The following SEM1 variants were observed in gnomAD, a reference collection of about 807,000 sequenced individuals.
SEM1 encodes the protein SEM1 26S proteasome subunit.
In SEM1, 3 loss-of-function variants were observed where a neutral mutation model predicts 12.7. That is an observed-to-expected ratio of 0.24 (90% confidence interval 0.11 to 0.61). The LOEUF is 0.61. SEM1 is among the 20% of genes least tolerant of loss of function. SEM1 has a pLI of 0.88. For missense variants in SEM1, 59 were observed against 81.3 expected (o/e 0.73, Z 1.06); for synonymous variants, 30 against 27.8 (o/e 1.08, Z -0.25).
chr7:96,631,673 G>C (rs1056112163), intron 2 of SEM1, among the ~76,000 whole-genome samples: 2 of 152,094 alleles, frequency 1.3e-5, no homozygotes, highest in Non-Finnish European at 1.5e-5. Flanking sequence ...AACACCAAAA[G>C]CAATGGCAAC....
chr7:96,583,104 C>T (rs1039364555), intron 2 of SEM1, among the ~76,000 whole-genome samples: 2 of 151,700 alleles, frequency 1.3e-5, no homozygotes, highest in Admixed American at 1.3e-4. Context: ...CTCTTGTGGG[C>T]ATTTAGTGCT....
chr7:96,528,835 A>G (rs549686111), intron 2 of SEM1, among the ~76,000 whole-genome samples: 23 of 152,112 alleles, frequency 1.5e-4, no homozygotes, highest in Non-Finnish European at 3.2e-4. Context: ...TTCTCATCCT[A>G]TACCCACCAG....
intron 2 of SEM1, among the ~76,000 whole-genome samples, chr7:96,528,870 T>G (rs906516458): frequency 1.2e-4 from 18 of 152,154 alleles, no homozygotes; most frequent in African/African-American, 3.6e-4. Context: ...CGTGGCTTTC[T>G]GCACCAAACA....
chr7:96,685,955 G>T (rs768554761), downstream of SEM1, among the ~76,000 whole-genome samples: 1 of 151,962 alleles, frequency 6.6e-6, no homozygotes, highest in African/African-American at 2.4e-5. Context: ...GTCAAACCTT[G>T]AAGTAACATC....
downstream of SEM1, among the ~76,000 whole-genome samples, chr7:96,617,970 A>G (rs1463251287): frequency 2.0e-5 from 3 of 151,958 alleles, no homozygotes. Context: ...TTCATCAGGG[A>G]TATTGGTTTC....
At chr7:96,496,311 C>T in exon 1 of SEM1, 1 of 1,509,686 alleles carries the variant, frequency 6.6e-7, no homozygotes. Flanking sequence ...TCCTTCAGAG[C>T]TGCATAGCAT....
rs60833325 is a variant in SEM1, at chr7:96,683,546, A to G, written c.171-9687T>C. 2.4e-3 allele frequency among the ~76,000 whole-genome samples: 370 copies of G among 152,342 alleles called. 2 individuals carry two copies. The highest frequency in any genetic ancestry group is 8.5e-3 in the African/African-American group (355 of 41,578). On this transcript the variant is annotated intron_variant, in intron 2 of 2. Transcript: ENST00000413065. ...ATCCCATTACTGGGTATATACCCAAAGGATTATAAATCATTCTATAAAGCC... is the reference window on the plus strand; with the variant it reads ...ATCCCATTACTGGGTATATACCCAAGGGATTATAAATCATTCTATAAAGCC...
At chr7:96,645,215 G>A (rs10215002) in intron 2 of SEM1, among the ~76,000 whole-genome samples, 2,187 of 152,158 alleles carry the variant, frequency 0.014, 54 homozygotes, top group African/African-American at 0.051. Context: ...GCATTTGTTC[G>A]TTCGTAAACT....
intron 1 of SEM1, chr7:96,708,336 T>C (rs1790535036): frequency 6.6e-6 from 1 of 152,236 alleles, no homozygotes; most frequent in South Asian, 2.1e-4. Context: ...TACCAGTTTC[T>C]GTAGCATGTA....
At chr7:96,563,560 C>T (rs1805757953) in intron 2 of SEM1, among the ~76,000 whole-genome samples, 1 of 151,890 alleles carries the variant, frequency 6.6e-6, no homozygotes, top group African/African-American at 2.4e-5. Flanking sequence ...TTATCAGGGT[C>T]GATGTTTGTT....
At chr7:96,615,454 C>T (rs911134183) in intron 2 of SEM1, among the ~76,000 whole-genome samples, 15 of 151,934 alleles carry the variant, frequency 9.9e-5, no homozygotes, top group African/African-American at 3.6e-4. Context: ...AAGGTTTCGC[C>T]AGGTTGGCCA....
At chr7:96,537,526 A>T (rs1285154554) in intron 2 of SEM1, among the ~76,000 whole-genome samples, 2 of 151,514 alleles carry the variant, frequency 1.3e-5, no homozygotes, top group East Asian at 3.9e-4. Context: ...CTGGACATGG[A>T]ATTCTAGATT....
At chr7:96,644,955 C>T (rs1405995383) in intron 2 of SEM1, among the ~76,000 whole-genome samples, 1 of 152,040 alleles carries the variant, frequency 6.6e-6, no homozygotes, top group African/African-American at 2.4e-5. Flanking sequence ...TTTTTATATA[C>T]TATTTATCTT....
chr7:96,527,038 T>G (rs1476264521), intron 2 of SEM1, among the ~76,000 whole-genome samples: 1 of 152,048 alleles, frequency 6.6e-6, no homozygotes, highest in African/African-American at 2.4e-5. Context: ...CAAAACTCTG[T>G]GAACATAAAG....
chr7:96,641,736 A>C (rs996392237), intron 2 of SEM1, among the ~76,000 whole-genome samples: 1 of 152,034 alleles, frequency 6.6e-6, no homozygotes, highest in South Asian at 2.1e-4. Flanking sequence ...TATTGTCTTT[A>C]ACGTTTAAGT....
intron 2 of SEM1, among the ~76,000 whole-genome samples, chr7:96,536,797 T>G (rs980069355): frequency 1.4e-5 from 2 of 145,926 alleles, no homozygotes; most frequent in Non-Finnish European, 3.0e-5. Context: ...TTTTAACCTA[T>G]TTTTTACTTT....
At chr7:96,594,981 C>A (rs1806949649) in intron 2 of SEM1, among the ~76,000 whole-genome samples, 1 of 152,014 alleles carries the variant, frequency 6.6e-6, no homozygotes, top group African/African-American at 2.4e-5. Context: ...TATTTCAAGT[C>A]AAAGTGTACT....
intron 2 of SEM1, among the ~76,000 whole-genome samples, chr7:96,524,870 T>C (rs980538524): frequency 2.0e-5 from 3 of 152,168 alleles, no homozygotes; most frequent in African/African-American, 7.2e-5. Flanking sequence ...TATACCAAGT[T>C]GTTCGAAGCA....
At chr7:96,666,241 T>C (rs1232601061) in intron 2 of SEM1, among the ~76,000 whole-genome samples, 2 of 152,178 alleles carry the variant, frequency 1.3e-5, no homozygotes, top group East Asian at 3.9e-4. Flanking sequence ...AACTGGGCTC[T>C]TGTCTTATGC....
Sources: gnomAD v4.1 joint callset for allele counts (sites outside exome capture counted in the v4.1 genomes callset) on GRCh38, gnomAD v4.1.1 for gene constraint, MANE v1.5 for transcripts, NCBI Gene and HGNC (gene_info 2026-07-23, HGNC 2026-07-21) for gene names.